MBOAT2: variants seen among roughly 807,000 people sequenced by gnomAD.
MBOAT2 encodes the protein membrane bound glycerophospholipid O-acyltransferase 2, also known as membrane-bound glycerophospholipid O-acyltransferase 2.
A neutral mutation model predicts 63.4 loss-of-function variants in MBOAT2; 28 were observed. The observed-to-expected ratio is 0.44, with a 90% CI of 0.33 to 0.61. The LOEUF (loss-of-function observed/expected upper bound fraction) is 0.61. Among genes scored for constraint, MBOAT2 ranks in the 20% least tolerant of loss-of-function variants. The pLI, the probability that MBOAT2 is intolerant of heterozygous loss-of-function variation, is 0.03. For missense variants in MBOAT2, 470 were observed against 605.8 expected (o/e 0.78, Z 2.35); for synonymous variants, 211 against 215.6 (o/e 0.98, Z 0.19).
At chr2:8,915,928 A>G (rs772440654) in intron 3 of MBOAT2, among the ~76,000 whole-genome samples, 5 of 152,128 alleles carry the variant, frequency 3.3e-5, no homozygotes, top group Admixed American at 6.5e-5. Flanking sequence ...GATCCTGGCT[A>G]TGGTATCCCC....
At chr2:8,867,651 TTC>T (rs1661998338) in intron 9 of MBOAT2, among the ~76,000 whole-genome samples, 2 of 152,220 alleles carry the variant, frequency 1.3e-5, no homozygotes, top group African/African-American at 4.8e-5. Context: ...TCATAACTCA[TTC>T]TCTCTTGCTG....
chr2:8,997,402 G>A (rs931406899), intron 1 of MBOAT2, among the ~76,000 whole-genome samples: 2 of 152,182 alleles, frequency 1.3e-5, no homozygotes, highest in Non-Finnish European at 2.9e-5. Context: ...AAGAGCTCTT[G>A]AAGCAGTGAG....
At position 8,855,666 on chromosome 2, in the gene MBOAT2, T is replaced by C. The variant is rs1661034716; in HGVS notation, c.*3013A>G. On this transcript the variant is annotated 3_prime_UTR_variant, in exon 13 of 13. Coordinates refer to ENST00000305997, the MANE Select transcript of MBOAT2 (RefSeq NM_138799.4). ...TACCCTGAGTTCCAATAAAAATACT[T>C]ACTTTAAGAACAGAATGAGCCACTT... is the stretch of plus-strand genomic sequence containing the variant. The C allele has an allele frequency of 1.3e-5, 2 of 152,188 alleles. No individual in the cohort carries two copies. Among genetic ancestry groups the C allele is most frequent in the Non-Finnish European group, 2.9e-5 (2 of 68,042 alleles). 9.4% of individuals were successfully genotyped at this position (152,188 alleles called of 1,614,324 possible). A position where few individuals can be genotyped will look rare whatever the true frequency, so the allele number is the denominator to read the frequency against.
intron 3 of MBOAT2, among the ~76,000 whole-genome samples, chr2:8,942,968 T>C (rs188564877): frequency 6.6e-6 from 1 of 152,314 alleles, no homozygotes; most frequent in East Asian, 1.9e-4. Flanking sequence ...AGGTTAGTAC[T>C]GAATGTCAAT....
chr2:8,993,754 T>G (rs1005282272), intron 1 of MBOAT2, among the ~76,000 whole-genome samples: 1 of 152,206 alleles, frequency 6.6e-6, no homozygotes, highest in Non-Finnish European at 1.5e-5. Flanking sequence ...TCAACTGCAG[T>G]ACCTCCGCTG....
At chr2:8,976,968 T>C (rs544187237) in intron 1 of MBOAT2, among the ~76,000 whole-genome samples, 1 of 152,280 alleles carries the variant, frequency 6.6e-6, no homozygotes, top group East Asian at 1.9e-4. Flanking sequence ...TCTATTTAGA[T>C]GAATTTCTAG....
chr2:8,854,631 G>A lies in MBOAT2; in HGVS notation c.*4048C>T, dbSNP rs1349654526. ...TGTTAAGACCAATTAACTAATAATTGTGAACAGTTGATAAGGAAACAAAAA... is the reference window on the plus strand; with the variant it reads ...TGTTAAGACCAATTAACTAATAATTATGAACAGTTGATAAGGAAACAAAAA... On this transcript the variant is annotated 3_prime_UTR_variant, in exon 13 of 13. Transcript: ENST00000305997. 1 of 152,146 alleles carries A rather than the reference G, an allele frequency of 6.6e-6. No homozygotes were observed. Among genetic ancestry groups the A allele is most frequent in the African/African-American group, 2.4e-5 (1 of 41,440 alleles). 9.4% of individuals were successfully genotyped at this position (152,146 alleles called of 1,614,324 possible).
chr2:8,962,830 TA>T (rs1669706613), intron 1 of MBOAT2, among the ~76,000 whole-genome samples: 1 of 152,088 alleles, frequency 6.6e-6, no homozygotes. Flanking sequence ...AAAAACATCC[TA>T]AGTAACAATG....
chr2:8,934,411 C>T (rs1214981413), intron 3 of MBOAT2, among the ~76,000 whole-genome samples: 1 of 152,066 alleles, frequency 6.6e-6, no homozygotes, highest in African/African-American at 2.4e-5. Flanking sequence ...AATTCAAATC[C>T]TAGATCACCA....
Position 8,862,810 on chromosome 2 carries a change from C to CAGGATTTAGGGTAACT in MBOAT2, c.1053-104_1053-89dup. Reference sequence around the variant, plus strand: ...CAATGATCATTCTTTTATTACCTGACAGGATTTAGGGTAACTAGAAAAACA... The same window carrying CAGGATTTAGGGTAACT: ...CAATGATCATTCTTTTATTACCTGACAGGATTTAGGGTAACTAGGATTTAGGGTAACTAGAAAAACA... On this transcript the variant is annotated intron_variant, in intron 10 of 12. Transcript: ENST00000305997. The surrounding 1 kb of genome is among the most constrained non-coding windows in gnomAD (Gnocchi z 4.3). 1 of 1,469,514 alleles carries CAGGATTTAGGGTAACT rather than the reference C, an allele frequency of 6.8e-7. No individual in the cohort carries two copies. Among genetic ancestry groups the CAGGATTTAGGGTAACT allele is most frequent in the African/African-American group, 1.4e-5 (1 of 70,604 alleles). 91.0% of individuals were successfully genotyped at this position (1,469,514 alleles called of 1,614,324 possible).
intron 1 of MBOAT2, chr2:8,974,260 A>C (rs887769272): frequency 9.5e-6 from 4 of 419,474 alleles, no homozygotes; most frequent in Non-Finnish European, 2.0e-5. Flanking sequence ...AATTCTGGGA[A>C]TGTAACTGTG....
chr2:8,964,646 C>T (rs1292457718), intron 1 of MBOAT2, among the ~76,000 whole-genome samples: 5 of 152,022 alleles, frequency 3.3e-5, no homozygotes, highest in Admixed American at 3.3e-4. Context: ...CAGAGTAGAA[C>T]CTCCAAGTCA....
intron 4 of MBOAT2, among the ~76,000 whole-genome samples, chr2:8,903,477 T>C (rs76242295): frequency 1.7e-5 from 2 of 120,718 alleles, no homozygotes; most frequent in African/African-American, 4.2e-5. Flanking sequence ...TTCACATAGA[T>C]TTTTTTTTTT....
intron 4 of MBOAT2, among the ~76,000 whole-genome samples, chr2:8,898,058 T>C (rs1285295192): frequency 6.6e-6 from 1 of 152,250 alleles, no homozygotes; most frequent in Non-Finnish European, 1.5e-5. Flanking sequence ...AATCTTTTGC[T>C]ACTACATCAA....
At position 8,907,308 on chromosome 2, in the gene MBOAT2, C is replaced by T. The variant is rs188590415; in HGVS notation, c.395+1313G>A. On this transcript the variant is annotated intron_variant, in intron 4 of 12. Transcript: ENST00000305997. ...TTCTTCTGTACTGAAGTATTATTCC[C>T]GACTCAATATATATTTAATGCCATC... Among the ~76,000 whole-genome samples the T allele has an allele frequency of 2.9e-3, 434 of 152,178 alleles. 4 individuals carry two copies. The highest frequency in any genetic ancestry group is 0.012 in the South Asian group (60 of 4,818).
At chr2:8,976,667 A>G (rs953510123) in intron 1 of MBOAT2, among the ~76,000 whole-genome samples, 2 of 152,164 alleles carry the variant, frequency 1.3e-5, no homozygotes, top group Non-Finnish European at 2.9e-5. Context: ...AAACCCTTCC[A>G]TAAAGCGCGT....
chr2:8,959,789 C>T (rs767327730), intron 1 of MBOAT2, among the ~76,000 whole-genome samples: 2 of 152,052 alleles, frequency 1.3e-5, no homozygotes, highest in Non-Finnish European at 2.9e-5. Flanking sequence ...CCTTATGAAA[C>T]ATATTCTCAT....
intron 6 of MBOAT2, among the ~76,000 whole-genome samples, chr2:8,879,280 A>T (rs958147989): frequency 2.0e-5 from 3 of 152,174 alleles, no homozygotes; most frequent in South Asian, 4.1e-4. Context: ...GTACTCTAGC[A>T]GCAGAGCTCC....
At chr2:8,978,267 T>C (rs1157927110) in intron 1 of MBOAT2, among the ~76,000 whole-genome samples, 1 of 151,982 alleles carries the variant, frequency 6.6e-6, no homozygotes, top group African/African-American at 2.4e-5. Flanking sequence ...CTTCCCCACC[T>C]CCACACATGG....
Sources: gnomAD v4.1 joint callset for allele counts (sites outside exome capture counted in the v4.1 genomes callset) on GRCh38, gnomAD v4.1.1 for gene constraint, Gnocchi (gnomAD v3.1) non-coding constraint, MANE v1.5 for transcripts, NCBI Gene and HGNC (gene_info 2026-07-23, HGNC 2026-07-21) for gene names.